Variants in SPATA1 observed in about 807,000 individuals in gnomAD.
SPATA1 encodes spermatogenesis-associated protein 1.
A neutral mutation model predicts 59.6 loss-of-function variants in SPATA1; 57 were observed. The ratio of observed to expected loss-of-function variants is 0.96; its 90% confidence interval spans 0.77 to 1.19. SPATA1 has a LOEUF of 1.19. SPATA1 is among the 50% of genes most tolerant of loss of function. The pLI is 0.00. For synonymous variants in SPATA1, 147 were observed against 163.9 expected (o/e 0.90, Z 0.79); for missense variants, 448 against 480.7 (o/e 0.93, Z 0.64).
intron 1 of SPATA1, among the ~76,000 whole-genome samples, chr1:84,510,245 T>C (rs1682477679): frequency 6.6e-6 from 1 of 152,058 alleles, no homozygotes; most frequent in African/African-American, 2.4e-5. Flanking sequence ...GGAAGAAATA[T>C]TTGCAAACTA....
intron 7 of SPATA1, 71 bp from the exon 8 acceptor site, chr1:84,533,638 C>T: frequency 1.7e-6 from 2 of 1,204,088 alleles, no homozygotes; most frequent in Non-Finnish European, 2.4e-6. Context: ...AAATAAAATA[C>T]ATAAAATATG....
At chr1:84,560,128 A>AG in intron 4 of SPATA1, among the ~76,000 whole-genome samples, 1 of 149,062 alleles carries the variant, frequency 6.7e-6, no homozygotes, top group Non-Finnish European at 1.5e-5. Flanking sequence ...AAAGAAAGAA[A>AG]GAAAGGAAAG....
intron 8 of SPATA1, among the ~76,000 whole-genome samples, chr1:84,540,901 A>G (rs1338631296): frequency 1.3e-5 from 2 of 152,216 alleles, no homozygotes; most frequent in Non-Finnish European, 2.9e-5. Context: ...TGGCCCAGAC[A>G]TATTTATTTA....
exon 13 of SPATA1, chr1:84,553,940 T>C (rs1168056362): frequency 6.6e-6 from 1 of 152,168 alleles, no homozygotes; most frequent in African/African-American, 2.4e-5. Context: ...TTGTATAAAA[T>C]TGATCTTTTA....
At chr1:84,508,460 GCT>G (rs1175714536) in intron 1 of SPATA1, among the ~76,000 whole-genome samples, 3 of 152,292 alleles carry the variant, frequency 2.0e-5, no homozygotes, top group African/African-American at 7.2e-5. Context: ...AGACATAGAT[GCT>G]CACTGTTCAG....
chr1:84,516,350 A>G, exon 2 of SPATA1: 2 of 1,525,720 alleles, frequency 1.3e-6, no homozygotes, highest in Admixed American at 4.6e-5. Context: ...CCATTCAGAC[A>G]TTAGTGAATA....
At chr1:84,518,566 G>C (rs375993617) in intron 2 of SPATA1, among the ~76,000 whole-genome samples, 13 of 151,928 alleles carry the variant, frequency 8.6e-5, no homozygotes, top group African/African-American at 3.1e-4. Context: ...CCATGCATTA[G>C]CTTCCCATTT....
At chr1:84,520,611 C>A in exon 3 of SPATA1, 1 of 1,567,034 alleles carries the variant, frequency 6.4e-7, no homozygotes. Context: ...TTTTTTATGT[C>A]CCTGAAGGAT....
chr1:84,532,917 C>A, exon 7 of SPATA1: 2 of 1,552,198 alleles, frequency 1.3e-6, no homozygotes, highest in Non-Finnish European at 1.7e-6. Flanking sequence ...ATTGGAAATT[C>A]TGAGTTGCCA....
intron 2 of SPATA1, chr1:84,520,374 A>G (rs1427436276): frequency 4.3e-6 from 2 of 459,952 alleles, no homozygotes; most frequent in Non-Finnish European, 7.6e-6. Flanking sequence ...CATCTATAAC[A>G]TTGTTGCCAA....
intron 4 of SPATA1, among the ~76,000 whole-genome samples, chr1:84,564,757 G>C (rs1684660166): frequency 6.6e-6 from 1 of 152,096 alleles, no homozygotes; most frequent in Non-Finnish European, 1.5e-5. Flanking sequence ...ACTTTAAATA[G>C]GTATGTGGCT....
At position 84,506,416 on chromosome 1, in the gene SPATA1, G is replaced by C. The variant is rs2271620; in HGVS notation, c.-140G>C. On this transcript the variant is annotated splice_region_variant and 5_prime_UTR_variant, in exon 1 of 13. Coordinates refer to ENST00000490879, the Ensembl canonical transcript of SPATA1. ...CCTCTCCAGAGGGGCCGATTAGGGA[G>C]AGGTAAGGAGAGAGCTTACCGTTAG... 3.5e-4 allele frequency: 71 copies of C among 201,826 alleles called. No individual in the cohort carries two copies. The East Asian group carries it at 8.7e-3, about 25-fold the overall frequency. 12.5% of individuals were successfully genotyped at this position (201,826 alleles called of 1,614,324 possible).
downstream of SPATA1, among the ~76,000 whole-genome samples, chr1:84,559,018 T>G (rs927398181): frequency 3.9e-5 from 6 of 152,182 alleles, no homozygotes; most frequent in African/African-American, 1.4e-4. Context: ...TGTCCTAAGA[T>G]TCTATGTTAC....
intron 4 of SPATA1, among the ~76,000 whole-genome samples, chr1:84,523,199 C>T (rs1056853642): frequency 6.6e-6 from 1 of 152,110 alleles, no homozygotes; most frequent in Non-Finnish European, 1.5e-5. Flanking sequence ...GCCACCTTGC[C>T]TGACTGGTGT....
intron 9 of SPATA1, 96 bp from the exon 10 acceptor site, chr1:84,545,538 G>A (rs1029043498): frequency 2.3e-6 from 3 of 1,325,446 alleles, no homozygotes; most frequent in Non-Finnish European, 3.0e-6. Flanking sequence ...TATTCTTGCT[G>A]CTTTAGACAT....
chr1:84,534,887 T>C (rs1468037592), intron 8 of SPATA1, among the ~76,000 whole-genome samples: 1 of 152,112 alleles, frequency 6.6e-6, no homozygotes, highest in African/African-American at 2.4e-5. Context: ...CCAACAAATA[T>C]ACTACATTTT....
At chr1:84,543,497 C>A (rs1483441782) in intron 8 of SPATA1, among the ~76,000 whole-genome samples, 1 of 151,984 alleles carries the variant, frequency 6.6e-6, no homozygotes. Flanking sequence ...AAAGGGGGAG[C>A]AAGGCTGGAG....
chr1:84,566,053 G>A (rs370282534), exon 5 of SPATA1: 65 of 1,282,878 alleles, frequency 5.1e-5, no homozygotes, highest in Non-Finnish European at 6.1e-5. Context: ...ATATGATCAC[G>A]TGTGCATATT....
exon 13 of SPATA1, chr1:84,553,477 C>T (rs1168879156): frequency 1.3e-5 from 2 of 151,908 alleles, no homozygotes; most frequent in Non-Finnish European, 2.9e-5. Flanking sequence ...TTAATGAATA[C>T]TAATATATTT....
Sources: allele counts gnomAD v4.1 joint callset (sites outside exome capture counted in the v4.1 genomes callset), GRCh38; gene constraint gnomAD v4.1.1; transcripts MANE v1.5; gene names NCBI Gene and HGNC (gene_info 2026-07-23, HGNC 2026-07-21).